RET: variants seen among roughly 807,000 people sequenced by gnomAD.
The protein encoded by RET is ret proto-oncogene, also known as proto-oncogene tyrosine-protein kinase receptor Ret.
RET carries 19 observed loss-of-function variants against 118.3 expected under a neutral mutation model. That is an observed-to-expected ratio of 0.16 (90% CI 0.11 to 0.24). The LOEUF (loss-of-function observed/expected upper bound fraction) is 0.24. RET is among the 10% of genes least tolerant of loss of function. The pLI is 1.00. For synonymous variants in RET, 597 were observed against 644.1 expected, an observed-to-expected ratio of 0.93 and a Z score of 1.11; for missense variants, 1,219 against 1,502.1, an observed-to-expected ratio of 0.81 and a Z score of 3.12.
At chr10:43,082,990 T>TG (rs2132536797) in intron 1 of RET, among the ~76,000 whole-genome samples, 1 of 152,260 alleles carries the variant, frequency 6.6e-6, no homozygotes, top group East Asian at 1.9e-4. Context: ...AGGGGCTTCC[T>TG]CTTGCTCTGT....
At chr10:43,079,234 A>G (rs1450302734) in intron 1 of RET, among the ~76,000 whole-genome samples, 2 of 151,952 alleles carry the variant, frequency 1.3e-5, no homozygotes, top group African/African-American at 4.8e-5. Flanking sequence ...TTCTCACAGC[A>G]CTTGCTGCCA....
intron 1 of RET, among the ~76,000 whole-genome samples, chr10:43,099,902 C>T (rs1221819760): frequency 2.6e-5 from 4 of 152,218 alleles, no homozygotes; most frequent in African/African-American, 7.2e-5. Flanking sequence ...GGCTGGACCA[C>T]GGTGTGCCTG....
At chr10:43,089,984 T>C (rs1288031814) in intron 1 of RET, among the ~76,000 whole-genome samples, 1 of 152,174 alleles carries the variant, frequency 6.6e-6, no homozygotes, top group Non-Finnish European at 1.5e-5. Flanking sequence ...AGGACAGGGA[T>C]GGCCATGCAC....
At chr10:43,117,366 C>A (rs947860146) in intron 12 of RET, among the ~76,000 whole-genome samples, 1 of 152,248 alleles carries the variant, frequency 6.6e-6, no homozygotes, top group South Asian at 2.1e-4. Flanking sequence ...CTGGGTTCAC[C>A]TCCAAGCCAG....
At position 43,106,324 on chromosome 10, in the gene RET, G is replaced by A. The variant is rs1837773495; in HGVS notation, c.868-52G>A. On this transcript the variant is annotated intron_variant, in intron 4 of 19. Coordinates refer to ENST00000355710, the MANE Select transcript of RET (RefSeq NM_020975.6). The surrounding 1 kb of genome is among the most constrained non-coding windows in gnomAD (Gnocchi z 5.1). Reference sequence around the variant, plus strand: ...ATTCTAAGGTCTCTGGTTTTGGGGGGTCTGAGGGGCCCATCTCGCCTGCAC... The same window carrying A: ...ATTCTAAGGTCTCTGGTTTTGGGGGATCTGAGGGGCCCATCTCGCCTGCAC... 5.1e-6 allele frequency: 8 copies of A among 1,566,384 alleles called. No homozygotes were observed. Among genetic ancestry groups the A allele is most frequent in the East Asian group, 4.5e-5 (2 of 44,646 alleles).
intron 3 of RET, chr10:43,104,661 T>C (rs570375439): frequency 1.8e-6 from 1 of 556,538 alleles, no homozygotes; most frequent in African/African-American, 1.9e-5. Flanking sequence ...CCCTACTGGT[T>C]GATCAGGGTG....
intron 6 of RET, among the ~76,000 whole-genome samples, chr10:43,109,798 TAAA>T (rs57979030): frequency 0.33 from 49,898 of 152,030 alleles, 8,631 homozygotes; most frequent in South Asian, 0.41. Context: ...AAATATTCAT[TAAA>T]GAAGATGAGG....
intron 6 of RET, among the ~76,000 whole-genome samples, chr10:43,109,997 G>T (rs1188416660): frequency 6.6e-6 from 1 of 152,228 alleles, no homozygotes; most frequent in Non-Finnish European, 1.5e-5. Context: ...CCATCTGCCA[G>T]TTCTTTCGGG....
intron 1 of RET, among the ~76,000 whole-genome samples, chr10:43,095,553 T>C (rs1316556821): frequency 6.6e-6 from 1 of 152,218 alleles, no homozygotes; most frequent in Non-Finnish European, 1.5e-5. Flanking sequence ...TGGTCCCCTC[T>C]GCATCCAAAG....
chr10:43,111,522 G>GC, intron 7 of RET, 57 bp downstream of exon 7: 1 of 1,565,666 alleles, frequency 6.4e-7, no homozygotes, highest in Non-Finnish European at 8.7e-7. Flanking sequence ...TGGAGCCTGG[G>GC]CCTCCTGCCC....
chr10:43,121,763 C>T (rs938141243), intron 15 of RET, among the ~76,000 whole-genome samples, 183 bp from the exon 16 acceptor site: 1 of 152,170 alleles, frequency 6.6e-6, no homozygotes, highest in African/African-American at 2.4e-5. Flanking sequence ...CAGCAATCCA[C>T]AGGAGGTTCA....
intron 1 of RET, among the ~76,000 whole-genome samples, chr10:43,097,678 C>T (rs1300247571): frequency 6.6e-6 from 1 of 152,216 alleles, no homozygotes; most frequent in Non-Finnish European, 1.5e-5. Flanking sequence ...AGCAGTGTTC[C>T]TGATGTACAG....
chr10:43,115,151 C>G (rs1838042729), intron 11 of RET, among the ~76,000 whole-genome samples: 1 of 152,162 alleles, frequency 6.6e-6, no homozygotes, highest in African/African-American at 2.4e-5. Context: ...GTGGCCTGCC[C>G]CTTCAGTGTT....
At chr10:43,081,692 A>C (rs1329562084) in intron 1 of RET, among the ~76,000 whole-genome samples, 3 of 152,110 alleles carry the variant, frequency 2.0e-5, no homozygotes, top group African/African-American at 7.2e-5. Flanking sequence ...TCAAATGGGG[A>C]GGTCCCTTGG....
intron 1 of RET, among the ~76,000 whole-genome samples, chr10:43,091,526 G>A (rs1837409465): frequency 6.6e-6 from 1 of 151,910 alleles, no homozygotes; most frequent in Non-Finnish European, 1.5e-5. Context: ...AGCTACTTGG[G>A]AGGCTGAGGC....
chr10:43,096,647 G>A (rs1403169603), intron 1 of RET, among the ~76,000 whole-genome samples: 1 of 152,214 alleles, frequency 6.6e-6, no homozygotes, highest in East Asian at 1.9e-4. Flanking sequence ...GGAGGCCAGT[G>A]TTCTGCAGAG....
rs1329573334 is a variant in RET at position 43,100,594 on chromosome 10, A to G, written c.209A>G (p.Gln70Arg). The change falls in exon 2 of 20, where the codon CAG becomes CGG. Residue 70 changes from glutamine (Q) to arginine (R), a missense_variant. Coordinates refer to ENST00000355710, the MANE Select transcript of RET (RefSeq NM_020975.6). ...PEEVPSFRLG[Q>R]HLYGTYRTRL... The stretch of plus-strand genomic sequence containing the variant: ...GAGGTGCCCAGCTTCCGCCTGGGCC[A>G]GCATCTCTACGGCACGTACCGCACA... 2 of 1,613,956 alleles carry G rather than the reference A, an allele frequency of 1.2e-6. No homozygotes were observed. The highest frequency in any genetic ancestry group is 3.3e-5 in the Admixed American group (2 of 60,030).
intron 14 of RET, 86 bp downstream of exon 14, chr10:43,119,831 G>A: frequency 7.0e-7 from 1 of 1,427,742 alleles, no homozygotes; most frequent in Non-Finnish European, 9.7e-7. Flanking sequence ...ACCCTGGCCT[G>A]CCACTCCCCC....
At chr10:43,118,116 G>C (rs951144371) in intron 12 of RET, among the ~76,000 whole-genome samples, 1 of 152,308 alleles carries the variant, frequency 6.6e-6, no homozygotes, top group East Asian at 1.9e-4. Flanking sequence ...ACATACACAG[G>C]TGGCCCAGCC....
Sources: allele counts gnomAD v4.1 joint callset (sites outside exome capture counted in the v4.1 genomes callset), GRCh38; gene constraint gnomAD v4.1.1; non-coding constraint Gnocchi (gnomAD v3.1); transcripts MANE v1.5; gene names NCBI Gene and HGNC (gene_info 2026-07-23, HGNC 2026-07-21).